The following ITGA2 variants were observed in gnomAD, a reference collection of about 807,000 sequenced individuals.
ITGA2 encodes the protein integrin subunit alpha 2.
Under a neutral mutation model 146.3 loss-of-function variants are expected in ITGA2, and 101 were observed. The ratio of observed to expected loss-of-function variants is 0.69; its 90% CI spans 0.59 to 0.81. The LOEUF is 0.81. ITGA2 is among the 40% of genes least tolerant of loss of function. The pLI, the probability that ITGA2 is intolerant of heterozygous loss-of-function variation, is 0.00. For synonymous variants in ITGA2, 477 were observed against 487.1 expected, an observed-to-expected ratio of 0.98 and a Z score of 0.27; for missense variants, 1,281 against 1,402.7, an observed-to-expected ratio of 0.91 and a Z score of 1.39.
intron 17 of ITGA2, among the ~76,000 whole-genome samples, chr5:53,070,964 G>A (rs1579887455): frequency 6.6e-6 from 1 of 151,904 alleles, no homozygotes; most frequent in South Asian, 2.1e-4. Flanking sequence ...AACTGCCAGG[G>A]AAACTTTTGG....
intron 26 of ITGA2, among the ~76,000 whole-genome samples, chr5:53,083,112 G>A (rs1170153196): frequency 6.6e-6 from 1 of 152,034 alleles, no homozygotes; most frequent in Non-Finnish European, 1.5e-5. Context: ...TATCTATACA[G>A]ACAGGAAATG....
chr5:53,030,124 G>A (rs1159872048), intron 2 of ITGA2, among the ~76,000 whole-genome samples: 36 of 152,238 alleles, frequency 2.4e-4, no homozygotes, highest in Admixed American at 2.4e-3. Flanking sequence ...AAGGGACACA[G>A]AGTTGAGAGG....
chr5:53,059,406 G>A (rs1352803620), intron 10 of ITGA2, among the ~76,000 whole-genome samples: 3 of 151,892 alleles, frequency 2.0e-5, no homozygotes, highest in Admixed American at 1.3e-4. Flanking sequence ...AGGGCCTCCC[G>A]AGCCGTGTCT....
At chr5:53,016,651 A>C (rs1561092524) in intron 1 of ITGA2, among the ~76,000 whole-genome samples, 1 of 152,028 alleles carries the variant, frequency 6.6e-6, no homozygotes, top group Admixed American at 6.6e-5. Flanking sequence ...GGTTGGGGAA[A>C]TTTTCACGGA....
intron 1 of ITGA2, among the ~76,000 whole-genome samples, chr5:53,023,256 G>A (rs1304493941): frequency 3.3e-5 from 5 of 152,198 alleles, no homozygotes. Flanking sequence ...CTCTGTGCCA[G>A]ACTTTTCACC....
chr5:53,050,539 G>C (rs1316987904), intron 6 of ITGA2, among the ~76,000 whole-genome samples: 2 of 152,022 alleles, frequency 1.3e-5, no homozygotes, highest in African/African-American at 4.8e-5. Context: ...ACAGCAGATG[G>C]AACTCAGAAA....
intron 1 of ITGA2, among the ~76,000 whole-genome samples, chr5:52,994,710 G>A (rs539490236): frequency 6.6e-6 from 1 of 152,242 alleles, no homozygotes; most frequent in African/African-American, 2.4e-5. Flanking sequence ...ACTATAGTAT[G>A]TCTTGGTGTC....
intron 25 of ITGA2, 59 bp from the exon 26 acceptor site, chr5:53,081,533 A>C (rs1245216223): frequency 3.8e-5 from 50 of 1,312,378 alleles, no homozygotes; most frequent in Non-Finnish European, 5.1e-5. Context: ...TAACATGTTG[A>C]AAGGAACATC....
chr5:53,021,148 T>G (rs1742663567), intron 1 of ITGA2, among the ~76,000 whole-genome samples: 1 of 152,198 alleles, frequency 6.6e-6, no homozygotes, highest in African/African-American at 2.4e-5. Flanking sequence ...TTAAGCACTG[T>G]CATCTTCTTC....
chr5:53,074,691 T>C lies in ITGA2; in HGVS notation c.2664+214T>C, dbSNP rs3212694. 5.1e-3 allele frequency among the ~76,000 whole-genome samples: 773 copies of C among 152,150 alleles called. 7 individuals carry two copies. The highest frequency in any genetic ancestry group is 3.9e-3 in the Admixed American group (60 of 15,266). On this transcript the variant is annotated intron_variant, in intron 21 of 29. Transcript: ENST00000296585. ...AATTCATTCCAAAAGGTACACATAC[T>C]ATGGAAAGTTCTTTTTGTCTAAATA...
intron 7 of ITGA2, among the ~76,000 whole-genome samples, chr5:53,055,304 C>T (rs1426247582): frequency 2.0e-5 from 3 of 152,042 alleles, no homozygotes; most frequent in African/African-American, 7.2e-5. Flanking sequence ...CACACATATA[C>T]ACACATATGC....
chr5:53,057,199 G>T (rs1330417279), intron 9 of ITGA2, among the ~76,000 whole-genome samples: 1 of 151,920 alleles, frequency 6.6e-6, no homozygotes, highest in African/African-American at 2.4e-5. Context: ...ATGATTTTGA[G>T]CATTATTTGC....
intron 1 of ITGA2, among the ~76,000 whole-genome samples, chr5:52,990,594 A>G (rs1343684620): frequency 6.6e-6 from 1 of 150,548 alleles, no homozygotes; most frequent in Non-Finnish European, 1.5e-5. Context: ...TTTACAAAGA[A>G]GATAAATATT....
intron 2 of ITGA2, among the ~76,000 whole-genome samples, chr5:53,029,748 C>T (rs1023607279): frequency 6.6e-6 from 1 of 152,204 alleles, no homozygotes; most frequent in Admixed American, 6.5e-5. Flanking sequence ...ATTCTCCACA[C>T]CCAGAGTGAT....
At position 53,064,247 on chromosome 5, in the gene ITGA2, C is replaced by A. The variant is rs1745037356; in HGVS notation, c.1603-665C>A. Among the ~76,000 whole-genome samples the A allele has an allele frequency of 2.0e-5, 3 of 151,838 alleles. No individual in the cohort carries two copies. The South Asian group carries it at 6.2e-4, about 32-fold the overall frequency. On this transcript the variant is annotated intron_variant, in intron 13 of 29. Transcript: ENST00000296585. Reference sequence around the variant, plus strand: ...GTTCTGTGTCTGCTTTAATTTCATTCAAGATATTAGTAATTTTCACCAGAA... The same window carrying A: ...GTTCTGTGTCTGCTTTAATTTCATTAAAGATATTAGTAATTTTCACCAGAA...
intron 1 of ITGA2, among the ~76,000 whole-genome samples, chr5:53,008,907 G>T (rs995270683): frequency 6.6e-6 from 1 of 152,124 alleles, no homozygotes; most frequent in African/African-American, 2.4e-5. Flanking sequence ...ACATGCATGA[G>T]TCAGAGAAGG....
chr5:53,089,925 A>G lies in ITGA2; in HGVS notation c.3349-21A>G, dbSNP rs777491336. On this transcript the variant is annotated intron_variant, in intron 28 of 29. Coordinates refer to ENST00000296585, the MANE Select transcript of ITGA2 (RefSeq NM_002203.4). The stretch of plus-strand genomic sequence containing the variant: ...TTTTTTGTGGTATTAAAATAACTCA[A>G]CTGTGAACTGACATTTCCAGATTCC... 15 of 1,419,126 alleles carry G rather than the reference A, an allele frequency of 1.1e-5. No individual in the cohort carries two copies. The East Asian group carries it at 1.8e-4, about 17-fold the overall frequency. The allele number at this position is 1,419,126 out of a possible 1,614,324, so 87.9% of individuals were successfully genotyped here. A position where few individuals can be genotyped will look rare whatever the true frequency, so the allele number is the denominator to read the frequency against.
rs769950081 is a variant in ITGA2 at position 53,048,446 on chromosome 5, G to A, written c.471G>A (p.Gln157=). The change falls in exon 5 of 30, where the codon CAG becomes CAA. Residue 157 remains glutamine (Q), a synonymous_variant. Transcript: ENST00000296585. ...GTTCTGACATCAGTCCTGATTTTCA[G>A]CTCTCAGCCAGCTTCTCACCTGCAA... ...GVCSDISPDF[Q]LSASFSPATQ... The A allele has an allele frequency of 1.1e-5, 17 of 1,613,956 alleles. No homozygotes were observed. Among genetic ancestry groups the A allele is most frequent in the Non-Finnish European group, 1.4e-5 (17 of 1,179,998 alleles).
At chr5:53,084,495 G>A (rs1182173756) in intron 27 of ITGA2, among the ~76,000 whole-genome samples, 2 of 152,136 alleles carry the variant, frequency 1.3e-5, no homozygotes, top group Non-Finnish European at 2.9e-5. Context: ...CAAAGACATA[G>A]AAGAAAACGG....
Sources: allele counts gnomAD v4.1 joint callset (sites outside exome capture counted in the v4.1 genomes callset), GRCh38; gene constraint gnomAD v4.1.1; transcripts MANE v1.5; gene names NCBI Gene and HGNC (gene_info 2026-07-23, HGNC 2026-07-21).